EYS: variants seen among roughly 807,000 people sequenced by gnomAD.
EYS encodes the protein protein eyes shut homolog.
Under a neutral mutation model 282.1 loss-of-function variants are expected in EYS, and 250 were observed. The observed-to-expected ratio is 0.89, with a 90% CI of 0.80 to 0.98. The LOEUF (loss-of-function observed/expected upper bound fraction) is 0.98. Ranked by LOEUF, EYS falls within the 50% of genes least tolerant of loss-of-function variation. EYS has a pLI of 0.00. For missense variants in EYS, 4,016 were observed against 3,709.0 expected, an observed-to-expected ratio of 1.08 and a Z score of -2.15; for synonymous variants, 1,355 against 1,282.9, an observed-to-expected ratio of 1.06 and a Z score of -1.20.
In EYS at chr6:65,479,013, T is replaced by C. The variant is rs189887252; in HGVS notation, c.862+11581A>G. 9.0e-3 allele frequency among the ~76,000 whole-genome samples: 1,363 copies of C among 151,786 alleles called. 15 individuals carry two copies. The highest frequency in any genetic ancestry group is 0.031 in the African/African-American group (1,287 of 41,526). On this transcript the variant is annotated intron_variant, in intron 5 of 42. Coordinates refer to ENST00000503581, the MANE Select transcript of EYS (RefSeq NM_001142800.2). ...CGAAATTATCTAATCTGTAGAATAGTGAGAGGACCACAAATGGTTGAACTA... is the reference window on the plus strand; with the variant it reads ...CGAAATTATCTAATCTGTAGAATAGCGAGAGGACCACAAATGGTTGAACTA...
intron 22 of EYS, among the ~76,000 whole-genome samples, chr6:64,746,903 G>A (rs1772574566): frequency 6.6e-6 from 1 of 152,188 alleles, no homozygotes; most frequent in African/African-American, 2.4e-5. Flanking sequence ...AATTTGCTAT[G>A]GCTGATTAAT....
At chr6:64,372,176 G>A (rs1178213517) in intron 29 of EYS, among the ~76,000 whole-genome samples, 1 of 107,528 alleles carries the variant, frequency 9.3e-6, no homozygotes, top group Non-Finnish European at 1.8e-5. Flanking sequence ...GGCCAGGAAT[G>A]GTCTTTTCCT....
intron 13 of EYS, among the ~76,000 whole-genome samples, chr6:65,037,708 G>A (rs1004020545): frequency 4.6e-5 from 7 of 151,702 alleles, no homozygotes; most frequent in Admixed American, 1.3e-4. Context: ...TTAAGGAGTC[G>A]AATTTATACA....
intron 13 of EYS, among the ~76,000 whole-genome samples, chr6:65,037,905 A>G (rs1772818638): frequency 2.0e-5 from 3 of 151,814 alleles, no homozygotes; most frequent in Non-Finnish European, 4.4e-5. Flanking sequence ...GTTTATACTC[A>G]TATCTCCAAT....
intron 30 of EYS, among the ~76,000 whole-genome samples, chr6:64,280,960 G>T (rs536308836): frequency 2.0e-5 from 3 of 152,066 alleles, no homozygotes; most frequent in Non-Finnish European, 2.9e-5. Context: ...TGTTTCCTTT[G>T]TTGGTAAAAG....
intron 14 of EYS, among the ~76,000 whole-genome samples, chr6:64,961,289 C>T (rs369230699): frequency 1.3e-5 from 2 of 152,122 alleles, no homozygotes; most frequent in East Asian, 1.9e-4. Context: ...CCTTTAAAGA[C>T]GTGTTTCCCA....
At chr6:65,339,872 G>A (rs531981206) in intron 10 of EYS, among the ~76,000 whole-genome samples, 4 of 151,266 alleles carry the variant, frequency 2.6e-5, no homozygotes, top group African/African-American at 9.7e-5. Flanking sequence ...GAGGTTGGAA[G>A]AAGATTTATA....
intron 35 of EYS, among the ~76,000 whole-genome samples, chr6:63,938,944 C>T (rs1765152547): frequency 6.6e-6 from 1 of 152,124 alleles, no homozygotes; most frequent in Admixed American, 6.6e-5. Context: ...CAAACATTGA[C>T]ACTGGAAGCT....
intron 36 of EYS, among the ~76,000 whole-genome samples, chr6:63,833,816 A>C (rs977798586): frequency 6.6e-6 from 1 of 152,318 alleles, no homozygotes; most frequent in Middle Eastern, 3.4e-3. Flanking sequence ...ACTATACTAC[A>C]AGGCTACAGT....
chr6:63,959,082 C>T (rs1562117312), intron 35 of EYS, among the ~76,000 whole-genome samples: 1 of 152,026 alleles, frequency 6.6e-6, no homozygotes, highest in South Asian at 2.1e-4. Context: ...GAACAGGCAT[C>T]GTATAGAATG....
chr6:63,859,904 G>A (rs1202123008), intron 36 of EYS, among the ~76,000 whole-genome samples: 1 of 152,118 alleles, frequency 6.6e-6, no homozygotes, highest in Non-Finnish European at 1.5e-5. Context: ...TAAGATGGTA[G>A]ATATGGACAT....
chr6:63,955,775 G>C (rs779779173), intron 35 of EYS, among the ~76,000 whole-genome samples: 1 of 151,906 alleles, frequency 6.6e-6, no homozygotes, highest in Non-Finnish European at 1.5e-5. Flanking sequence ...AAGTAATTAC[G>C]CTGAACCCCC....
At chr6:64,757,715 C>T (rs1772991763) in intron 22 of EYS, among the ~76,000 whole-genome samples, 1 of 150,032 alleles carries the variant, frequency 6.7e-6, no homozygotes, top group African/African-American at 2.4e-5. Context: ...GCTACATCTA[C>T]AAAAGATTAA....
intron 19 of EYS, among the ~76,000 whole-genome samples, chr6:64,872,616 G>T (rs1355697520): frequency 6.6e-6 from 1 of 152,012 alleles, no homozygotes; most frequent in African/African-American, 2.4e-5. Flanking sequence ...TTAGAGATGA[G>T]AAAATGTAAA....
intron 2 of EYS, among the ~76,000 whole-genome samples, chr6:65,542,817 T>C (rs1260414573): frequency 6.6e-6 from 1 of 152,140 alleles, no homozygotes; most frequent in Non-Finnish European, 1.5e-5. Context: ...ACTTGAATTT[T>C]TTTAAAGACA....
At chr6:64,967,328 A>ATTTT (rs573625686) in intron 14 of EYS, among the ~76,000 whole-genome samples, 2 of 143,240 alleles carry the variant, frequency 1.4e-5, no homozygotes, top group African/African-American at 2.6e-5. Flanking sequence ...TCAAAACTCC[A>ATTTT]TTTTTTTTTT....
chr6:64,732,952 A>G lies in EYS; in HGVS notation c.3443+80426T>C, dbSNP rs114632762. Among the ~76,000 whole-genome samples the G allele has an allele frequency of 3.7e-3, 566 of 152,334 alleles. 6 individuals carry two copies. Among genetic ancestry groups the G allele is most frequent in the African/African-American group, 0.013 (521 of 41,582 alleles). On this transcript the variant is annotated intron_variant, in intron 22 of 42. Coordinates refer to ENST00000503581, the MANE Select transcript of EYS (RefSeq NM_001142800.2). ...CTAGGTAATCTAAATAAAGCTGACC[A>G]TCTATCAGTTTCAGTGCTGTGTTGT...
intron 29 of EYS, 27 bp from the exon 30 acceptor site, chr6:64,307,109 T>A: frequency 9.6e-7 from 1 of 1,043,512 alleles, no homozygotes; most frequent in Non-Finnish European, 1.4e-6. Context: ...GAGAGAGAAG[T>A]AGAGATAATT....
intron 30 of EYS, among the ~76,000 whole-genome samples, chr6:64,259,944 A>T (rs1039965374): frequency 3.3e-5 from 5 of 151,974 alleles, no homozygotes; most frequent in African/African-American, 1.2e-4. Flanking sequence ...CTTCCCTTCA[A>T]TATTCTCTGA....
Sources: allele counts gnomAD v4.1 joint callset (sites outside exome capture counted in the v4.1 genomes callset), GRCh38; gene constraint gnomAD v4.1.1; transcripts MANE v1.5; gene names NCBI Gene and HGNC (gene_info 2026-07-23, HGNC 2026-07-21).